The following SGTB variants were observed in gnomAD, a reference collection of about 807,000 sequenced individuals.
SGTB encodes small glutamine-rich tetratricopeptide repeat-containing protein beta.
A neutral mutation model predicts 43.9 loss-of-function variants in SGTB; 19 were observed. That is an observed-to-expected ratio of 0.43 (90% CI 0.30 to 0.63). SGTB has a LOEUF of 0.63. Among genes scored for constraint, SGTB ranks in the 30% least tolerant of loss-of-function variants. The pLI is 0.12. For synonymous variants in SGTB, 116 were observed against 117.3 expected, an observed-to-expected ratio of 0.99 and a Z score of 0.07; for missense variants, 304 against 358.9, an observed-to-expected ratio of 0.85 and a Z score of 1.24.
At chr5:65,718,897 T>A (rs1758201697) in intron 2 of SGTB, among the ~76,000 whole-genome samples, 2 of 152,244 alleles carry the variant, frequency 1.3e-5, no homozygotes, top group South Asian at 4.1e-4. Context: ...TTAAAACTTT[T>A]ATGCTGCTTT....
At chr5:65,707,375 T>G (rs1187671688) in intron 4 of SGTB, among the ~76,000 whole-genome samples, 3 of 149,908 alleles carry the variant, frequency 2.0e-5, no homozygotes, top group Non-Finnish European at 4.4e-5. Context: ...ATCCACCTTT[T>G]TAGATACCAG....
intron 2 of SGTB, among the ~76,000 whole-genome samples, chr5:65,714,072 A>C (rs555366158): frequency 1.3e-4 from 20 of 152,242 alleles, no homozygotes; most frequent in African/African-American, 4.8e-4. Context: ...AAAACAAAAC[A>C]AAAAAAGTAC....
chr5:65,704,035 C>CAAAAAAAAAAAAAAAAAA (rs11405488), intron 5 of SGTB, among the ~76,000 whole-genome samples: 3 of 133,408 alleles, frequency 2.2e-5, no homozygotes, highest in African/African-American at 5.4e-5. Flanking sequence ...GACTCCGTCT[C>CAAAAAAAAAAAAAAAAAA]AAAAAAAAAA....
intron 3 of SGTB, 79 bp downstream of exon 3, chr5:65,712,881 TG>T: frequency 9.6e-7 from 1 of 1,043,704 alleles, no homozygotes; most frequent in Non-Finnish European, 1.5e-6. Flanking sequence ...CTCATATACC[TG>T]GCCCCTCAGC....
At chr5:65,710,995 CAAAA>C (rs982877268) in intron 3 of SGTB, among the ~76,000 whole-genome samples, 4 of 93,180 alleles carry the variant, frequency 4.3e-5, no homozygotes, top group Non-Finnish European at 8.4e-5. Context: ...GACTCTGTCT[CAAAA>C]AAAAAAAAAA....
chr5:65,672,204 AG>A (rs756625919), intron 9 of SGTB, 39 bp downstream of exon 9: 21 of 1,610,596 alleles, frequency 1.3e-5, no homozygotes, highest in Non-Finnish European at 1.8e-5. Flanking sequence ...GGCAAGTGGA[AG>A]GGTTGGGGAA....
At chr5:65,712,566 A>C (rs1431287748) in intron 3 of SGTB, among the ~76,000 whole-genome samples, 1 of 152,234 alleles carries the variant, frequency 6.6e-6, no homozygotes, top group South Asian at 2.1e-4. Context: ...CCATTTCTGC[A>C]TGGCTGCTTC....
rs147284428 is a variant in SGTB, at chr5:65,709,612, C to T, written c.205-1054G>A. Among the ~76,000 whole-genome samples the T allele has an allele frequency of 9.1e-3, 1,381 of 152,208 alleles. 27 individuals carry two copies. The highest frequency in any genetic ancestry group is 0.031 in the African/African-American group (1,303 of 41,526). On this transcript the variant is annotated intron_variant, in intron 3 of 10. Transcript: ENST00000381007. ...CACAATGGTCTAGATCTCTTGACCTCGTGATCCACCCGCCTCGGCCTCCCA... is the reference window on the plus strand; with the variant it reads ...CACAATGGTCTAGATCTCTTGACCTTGTGATCCACCCGCCTCGGCCTCCCA...
intron 5 of SGTB, among the ~76,000 whole-genome samples, chr5:65,701,009 C>CA (rs1161067337): frequency 0.11 from 1,808 of 15,922 alleles, 301 homozygotes; most frequent in African/African-American, 0.21. Context: ...GACTCCGTCT[C>CA]AAAAAAAAAA....
At chr5:65,711,878 A>T (rs1758051565) in intron 3 of SGTB, among the ~76,000 whole-genome samples, 1 of 152,170 alleles carries the variant, frequency 6.6e-6, no homozygotes. Flanking sequence ...TCACTCCAGA[A>T]TTCTTCATTA....
intron 8 of SGTB, among the ~76,000 whole-genome samples, chr5:65,676,627 C>A (rs1040081977): frequency 1.3e-5 from 2 of 152,126 alleles, no homozygotes; most frequent in Non-Finnish European, 1.5e-5. Context: ...ACAGAATATA[C>A]GTTCTTCTCA....
intron 8 of SGTB, among the ~76,000 whole-genome samples, chr5:65,673,615 C>A (rs1272960964): frequency 6.6e-6 from 1 of 152,038 alleles, no homozygotes; most frequent in African/African-American, 2.4e-5. Flanking sequence ...TTCCATGAAA[C>A]CAGTCCCTGT....
chr5:65,672,167 G>C, intron 9 of SGTB, 77 bp downstream of exon 9: 2 of 1,600,686 alleles, frequency 1.2e-6, no homozygotes, highest in Non-Finnish European at 1.7e-6. Flanking sequence ...CATCATTTTT[G>C]AGCTGATGTG....
intron 2 of SGTB, 30 bp downstream of exon 2, chr5:65,720,678 T>C (rs1360673895): frequency 1.9e-6 from 3 of 1,595,940 alleles, no homozygotes; most frequent in Admixed American, 3.7e-5. Flanking sequence ...ATAATTATAA[T>C]ATAAATGAAC....
chr5:65,705,052 G>C (rs1369214307), intron 4 of SGTB, among the ~76,000 whole-genome samples: 1 of 152,194 alleles, frequency 6.6e-6, no homozygotes, highest in Non-Finnish European at 1.5e-5. Flanking sequence ...ATTTAGCTAA[G>C]TTAATAAAAT....
intron 3 of SGTB, 111 bp from the exon 4 acceptor site, chr5:65,708,669 C>T: frequency 1.4e-6 from 1 of 740,462 alleles, no homozygotes; most frequent in Non-Finnish European, 2.0e-6. Context: ...TGTAACTCCA[C>T]ATCATGAAAA....
At chr5:65,715,431 G>A (rs905359095) in intron 2 of SGTB, among the ~76,000 whole-genome samples, 5 of 152,154 alleles carry the variant, frequency 3.3e-5, no homozygotes, top group African/African-American at 4.8e-5. Context: ...CCTGCCATTC[G>A]CTGATTCAGA....
chr5:65,708,579 A>G lies in SGTB; in HGVS notation c.205-21T>C, dbSNP rs778407775. The G allele has an allele frequency of 4.4e-6, 7 of 1,598,918 alleles. No individual in the cohort carries two copies. In the South Asian group the frequency reaches 5.6e-5, roughly 13 times the overall value. ...TCATTCTGAAATTAAATAAAAATCA[A>G]TGCACTTCCCTTTAGCTACATAAAG... is the stretch of plus-strand genomic sequence containing the variant. On this transcript the variant is annotated intron_variant, in intron 3 of 10. Transcript: ENST00000381007.
intron 5 of SGTB, among the ~76,000 whole-genome samples, chr5:65,695,696 A>C (rs1003103989): frequency 6.6e-6 from 1 of 152,212 alleles, no homozygotes; most frequent in African/African-American, 2.4e-5. Flanking sequence ...GACGGAAAAA[A>C]ATTAAGCTAC....
Sources: gnomAD v4.1 joint callset for allele counts (sites outside exome capture counted in the v4.1 genomes callset) on GRCh38, gnomAD v4.1.1 for gene constraint, MANE v1.5 for transcripts, NCBI Gene and HGNC (gene_info 2026-07-23, HGNC 2026-07-21) for gene names.